NIPAL4: variants seen among roughly 807,000 people sequenced by gnomAD.
The protein encoded by NIPAL4 is magnesium transporter NIPA4.
NIPAL4 carries 21 observed loss-of-function variants against 31.6 expected under a neutral mutation model. The observed-to-expected ratio is 0.67, with a 90% CI of 0.47 to 0.96. The LOEUF is 0.96. Among genes scored for constraint, NIPAL4 ranks in the 40% least tolerant of loss-of-function variants. The pLI, the probability that NIPAL4 is intolerant of heterozygous loss-of-function variation, is 0.00. For missense variants in NIPAL4, 438 were observed against 508.0 expected, an observed-to-expected ratio of 0.86 and a Z score of 1.32; for synonymous variants, 175 against 211.1, an observed-to-expected ratio of 0.83 and a Z score of 1.48.
Position 157,463,286 on chromosome 5 carries a change from A to C in NIPAL4, c.230A>C (p.Lys77Thr). 3 of 1,613,792 alleles carry C rather than the reference A, an allele frequency of 1.9e-6. No homozygotes were observed. Among genetic ancestry groups the C allele is most frequent in the Non-Finnish European group, 2.5e-6 (3 of 1,179,732 alleles). Reference sequence around the variant, plus strand: ...CTCATCGGCAGCAGCGTCATCCTCAAGAAGAAAGGCCTCTTGCGACTCGTG... The same window carrying C: ...CTCATCGGCAGCAGCGTCATCCTCACGAAGAAAGGCCTCTTGCGACTCGTG... The part of the protein sequence containing the change: ...SFLIGSSVIL[K>T]KKGLLRLVAT... The change falls in exon 2 of 6, where the codon AAG (lysine) becomes ACG (threonine). Residue 77 changes from lysine to threonine, a missense_variant. Transcript: ENST00000311946.
intron 3 of NIPAL4, 89 bp from the exon 4 acceptor site, chr5:157,468,633 C>T: frequency 1.2e-6 from 1 of 806,898 alleles, no homozygotes; most frequent in Admixed American, 1.8e-5. Context: ...GTCTGGGATT[C>T]TCCAGCTTGT....
Position 157,468,744 on chromosome 5 carries a change from C to A in NIPAL4, c.357C>A (p.Asn119Lys). ...TAGTGGCTGCTGGAGAAGTTGCCAA[C>A]TTTGGAGCCTACGCATTTGCACCTG... ...FLTMAAGEVA[N>K]FGAYAFAPAT... The change falls in exon 4 of 6, where the codon AAC becomes AAA. Residue 119 changes from asparagine to lysine, a missense_variant. Asn to Lys is a moderately conservative substitution (Grantham distance 94). Transcript: ENST00000311946. 1 of 1,612,502 alleles carries A rather than the reference C, an allele frequency of 6.2e-7. No individual in the cohort carries two copies. Among genetic ancestry groups the A allele is most frequent in the South Asian group, 1.1e-5 (1 of 90,828 alleles).
chr5:157,472,614 A>T lies in NIPAL4; in HGVS notation c.869A>T (p.Asn290Ile), dbSNP rs1282587755. 2 of 1,613,514 alleles carry T rather than the reference A, an allele frequency of 1.2e-6. No individual in the cohort carries two copies. The highest frequency in any genetic ancestry group is 1.7e-6 in the Non-Finnish European group (2 of 1,179,824). Residue 290 changes from asparagine to isoleucine, a missense_variant, in exon 6 of 6, where the codon AAC (asparagine) becomes ATC (isoleucine). Coordinates refer to ENST00000311946, the MANE Select transcript of NIPAL4 (RefSeq NM_001099287.2). Reference protein sequence around the residue: ...NFLNRALDIFNTSLVFPIYYV... With the variant: ...NFLNRALDIFITSLVFPIYYV... ...CTCAACAGAGCACTGGACATTTTCA[A>T]CACTTCCCTGGTGTTCCCCATCTAC...
In NIPAL4 at chr5:157,473,283, G is replaced by A. The variant is rs1754493613; in HGVS notation, c.*323G>A. 1 of 262,160 alleles carries A rather than the reference G, an allele frequency of 3.8e-6. No homozygotes were observed. The highest frequency in any genetic ancestry group is 1.1e-4 in the South Asian group (1 of 8,874). 16.2% of individuals were successfully genotyped at this position (262,160 alleles called of 1,614,324 possible). A position where few individuals can be genotyped will look rare whatever the true frequency, so the allele number is the denominator to read the frequency against. ...GAAGATGGAGTCTGACCCACTGAAT[G>A]TAGCACAGTCCAAGGACTTCTCTAA... On this transcript the variant is annotated 3_prime_UTR_variant, in exon 6 of 6. Transcript: ENST00000311946.
At chr5:157,465,977 C>T (rs1437006234) in intron 2 of NIPAL4, among the ~76,000 whole-genome samples, 1 of 150,938 alleles carries the variant, frequency 6.6e-6, no homozygotes, top group Non-Finnish European at 1.5e-5. Context: ...CCTGGGTGAC[C>T]GAGGGAGACC....
chr5:157,467,409 G>A, intron 3 of NIPAL4: 1 of 348,508 alleles, frequency 2.9e-6, no homozygotes, highest in South Asian at 2.5e-5. Flanking sequence ...GTGGACTCTT[G>A]ACTTCTACAT....
Position 157,472,901 on chromosome 5 carries a change from G to A in NIPAL4, c.1156G>A (p.Glu386Lys), listed in dbSNP as rs1443763607. 2.6e-6 allele frequency: 4 copies of A among 1,537,350 alleles called. No individual in the cohort carries two copies. The highest frequency in any genetic ancestry group is 3.5e-6 in the Non-Finnish European group (4 of 1,142,032). Residue 386 changes from glutamate to lysine, a missense_variant, in exon 6 of 6, where the codon GAA (glutamate) becomes AAA (lysine). Transcript: ENST00000311946. Reference sequence around the variant, plus strand: ...CAAGAACGTCCTTGTGGACAATATAGAACTTGCCAGCACCTCATCACCAGA... The same window carrying A: ...CAAGAACGTCCTTGTGGACAATATAAAACTTGCCAGCACCTCATCACCAGA... ...EDKNVLVDNIELASTSSPEEK... is the reference protein window; with the variant it reads ...EDKNVLVDNIKLASTSSPEEK...
Position 157,472,483 on chromosome 5 carries a change from C to A in NIPAL4, c.738C>A (p.Gly246=), listed in dbSNP as rs761325603. The part of the protein sequence containing the change: ...AFSVAAVKGL[G]ITIKNFFQGL... ...CTGTGGCTGCTGTCAAGGGGCTGGG[C>A]ATCACCATCAAGAACTTCTTCCAGG... Residue 246 remains glycine, a synonymous_variant, in exon 6 of 6, where the codon GGC becomes GGA. Coordinates refer to ENST00000311946, the MANE Select transcript of NIPAL4 (RefSeq NM_001099287.2). 1.2e-6 allele frequency: 2 copies of A among 1,613,912 alleles called. No individual in the cohort carries two copies. Among genetic ancestry groups the A allele is most frequent in the South Asian group, 1.1e-5 (1 of 91,062 alleles).
Position 157,460,317 on chromosome 5 carries a change from C to T in NIPAL4, c.-4C>T, listed in dbSNP as rs1033485927. 4.5e-6 allele frequency: 7 copies of T among 1,547,826 alleles called. No individual in the cohort carries two copies. The highest frequency in any genetic ancestry group is 4.1e-5 in the African/African-American group (3 of 72,926). On this transcript the variant is annotated 5_prime_UTR_variant, in exon 1 of 6. Transcript: ENST00000311946. ...CGCGCGTCGGTTCGTGTGCCCCGGG[C>T]CCCATGGAGCTGCGGGTCAGCAACA...
chr5:157,469,778 A>G (rs1332289948), intron 4 of NIPAL4, among the ~76,000 whole-genome samples: 1 of 152,150 alleles, frequency 6.6e-6, no homozygotes, highest in Non-Finnish European at 1.5e-5. Context: ...AGTACCCATC[A>G]TTTGTTTTAC....
At position 157,471,688 on chromosome 5, in the gene NIPAL4, A is replaced by T. The variant is rs1423646321; in HGVS notation, c.457A>T (p.Ser153Cys). Reference sequence around the variant, plus strand: ...CCTCTCCTCATATTTCCTGAGGGAGAGTCTGAACCTGCTGGGGAAGCTGGG... The same window carrying T: ...CCTCTCCTCATATTTCCTGAGGGAGTGTCTGAACCTGCTGGGGAAGCTGGG... ...AILSSYFLRESLNLLGKLGCV... is the reference protein window; with the variant it reads ...AILSSYFLRECLNLLGKLGCV... Residue 153 changes from serine (S) to cysteine (C), a missense_variant, in exon 5 of 6, where the codon AGT becomes TGT. Ser to Cys is a moderately radical substitution (Grantham distance 112). Transcript: ENST00000311946. 9 of 1,608,188 alleles carry T rather than the reference A, an allele frequency of 5.6e-6. No individual in the cohort carries two copies. The highest frequency in any genetic ancestry group is 7.6e-6 in the Non-Finnish European group (9 of 1,177,368).
In NIPAL4 at chr5:157,471,784, A is replaced by G; in HGVS notation, c.553A>G (p.Ile185Val). ...TCCTGAGGAAGAGAAGGTCACTACC[A>G]TCATGGAGATGGCTTCCAAGATGAA... is the stretch of plus-strand genomic sequence containing the variant. ...HAPEEEKVTT[I>V]MEMASKMKDT... Residue 185 changes from isoleucine to valine, a missense_variant, in exon 5 of 6, where the codon ATC becomes GTC. Coordinates refer to ENST00000311946, the MANE Select transcript of NIPAL4 (RefSeq NM_001099287.2). The G allele has an allele frequency of 6.3e-7, 1 of 1,597,630 alleles. No individual in the cohort carries two copies. The highest frequency in any genetic ancestry group is 1.1e-5 in the South Asian group (1 of 87,958).
At position 157,469,392 on chromosome 5, in the gene NIPAL4, A is replaced by G. The variant is rs764050895; in HGVS notation, c.425+580A>G. On this transcript the variant is annotated intron_variant, in intron 4 of 5. Transcript: ENST00000311946. ...AGTAGGGGCTTAGTATGTGCTGAAC[A>G]TTCTGAATGTATCATGCATATTAAC... 9.2e-5 allele frequency among the ~76,000 whole-genome samples: 14 copies of G among 152,348 alleles called. 1 individual carries two copies. Among genetic ancestry groups the G allele is most frequent in the Admixed American group, 6.5e-4 (10 of 15,306 alleles).
At chr5:157,467,334 C>T (rs1374773954) in intron 3 of NIPAL4, 13 of 509,556 alleles carry the variant, frequency 2.6e-5, no homozygotes, top group East Asian at 1.1e-4. Flanking sequence ...GAGCTGGCAA[C>T]CATGAAGGTG....
At chr5:157,470,430 C>T (rs892018435) in intron 4 of NIPAL4, among the ~76,000 whole-genome samples, 3 of 152,162 alleles carry the variant, frequency 2.0e-5, no homozygotes, top group Admixed American at 6.5e-5. Flanking sequence ...AGAAAGGACT[C>T]GAGCTCAATT....
chr5:157,472,546 G>A lies in NIPAL4; in HGVS notation c.801G>A (p.Leu267=). Reference sequence around the variant, plus strand: ...TCCGGCACCCGCTCCCCTACATCCTGTCCCTCATCCTGGCACTGTCCCTCA... The same window carrying A: ...TCCGGCACCCGCTCCCCTACATCCTATCCCTCATCCTGGCACTGTCCCTCA... ...PVVRHPLPYI[L]SLILALSLST... The change falls in exon 6 of 6, where the codon CTG becomes CTA. Residue 267 remains leucine (L), a synonymous_variant. Coordinates refer to ENST00000311946, the MANE Select transcript of NIPAL4 (RefSeq NM_001099287.2). The A allele has an allele frequency of 3.7e-6, 6 of 1,613,852 alleles. No homozygotes were observed. Among genetic ancestry groups the A allele is most frequent in the Non-Finnish European group, 5.1e-6 (6 of 1,179,860 alleles).
chr5:157,474,532 A>G lies in NIPAL4; in HGVS notation c.*1572A>G, dbSNP rs1754534463. 6.6e-6 allele frequency: 1 copy of G among 152,180 alleles called. No homozygotes were observed. The highest frequency in any genetic ancestry group is 1.9e-4 in the East Asian group (1 of 5,200). 9.4% of individuals were successfully genotyped at this position (152,180 alleles called of 1,614,324 possible). A position where few individuals can be genotyped will look rare whatever the true frequency, so the allele number is the denominator to read the frequency against. On this transcript the variant is annotated 3_prime_UTR_variant, in exon 6 of 6. Coordinates refer to ENST00000311946, the MANE Select transcript of NIPAL4 (RefSeq NM_001099287.2). ...AATTCCTGCTGGCCTTGGAACTCCA[A>G]GGTTTGGCTGACCAGCAGACTGGCT...
intron 2 of NIPAL4, among the ~76,000 whole-genome samples, chr5:157,466,139 G>C (rs564989377): frequency 7.9e-5 from 12 of 152,256 alleles, no homozygotes; most frequent in Non-Finnish European, 1.5e-4. Context: ...CAGGGAGTCA[G>C]GGATGGCATC....
At position 157,472,508 on chromosome 5, in the gene NIPAL4, G is replaced by A. The variant is rs764820818; in HGVS notation, c.763G>A (p.Gly255Arg). 6.2e-7 allele frequency: 1 copy of A among 1,613,770 alleles called. No homozygotes were observed. The highest frequency in any genetic ancestry group is 1.1e-5 in the South Asian group (1 of 91,038). Residue 255 changes from glycine to arginine, a missense_variant, in exon 6 of 6, where the codon GGG (glycine) becomes AGG (arginine). Transcript: ENST00000311946. ...LGITIKNFFQGLPVVRHPLPY... is the reference protein window; with the variant it reads ...LGITIKNFFQRLPVVRHPLPY... The stretch of plus-strand genomic sequence containing the variant: ...CATCACCATCAAGAACTTCTTCCAG[G>A]GGCTGCCAGTTGTCCGGCACCCGCT...
Sources: allele counts gnomAD v4.1 joint callset (sites outside exome capture counted in the v4.1 genomes callset), GRCh38; gene constraint gnomAD v4.1.1; transcripts MANE v1.5; gene names NCBI Gene and HGNC (gene_info 2026-07-23, HGNC 2026-07-21).